Variants in NARS2 observed in about 807,000 individuals in gnomAD.
NARS2 encodes asparaginyl-tRNA synthetase.
NARS2 carries 60 observed loss-of-function variants against 62.9 expected under a neutral mutation model. The ratio of observed to expected loss-of-function variants is 0.95; its 90% confidence interval spans 0.77 to 1.18. The LOEUF (loss-of-function observed/expected upper bound fraction) is 1.18, where lower values mean the gene tolerates loss of function less well. NARS2 is among the 50% of genes most tolerant of loss of function. NARS2 has a pLI of 0.00. For missense variants in NARS2, 619 were observed against 576.4 expected, an observed-to-expected ratio of 1.07 and a Z score of -0.76; for synonymous variants, 196 against 200.0, an observed-to-expected ratio of 0.98 and a Z score of 0.17.
chr11:78,478,630 A>G lies in NARS2; in HGVS notation c.876T>C (p.Pro292=). 2 of 1,612,414 alleles carry G rather than the reference A, an allele frequency of 1.2e-6. No individual in the cohort carries two copies. The highest frequency in any genetic ancestry group is 1.1e-5 in the South Asian group (1 of 90,926). ...ATTMMVLSKC[P]EDVELCHKFI... Reference sequence around the variant, plus strand: ...ATTTGTGACAGAGTTCAACATCTTCAGGACATTTTGAGAGAACCATCATTG... The same window carrying G: ...ATTTGTGACAGAGTTCAACATCTTCGGGACATTTTGAGAGAACCATCATTG... The change falls in exon 8 of 14, where the codon CCT becomes CCC. Residue 292 remains proline (P), a synonymous_variant. Coordinates refer to ENST00000281038, the MANE Select transcript of NARS2 (RefSeq NM_024678.6).
chr11:78,562,398 C>T (rs1856587514), intron 4 of NARS2, among the ~76,000 whole-genome samples: 1 of 152,304 alleles, frequency 6.6e-6, no homozygotes, highest in African/African-American at 2.4e-5. Flanking sequence ...CCACTGCACT[C>T]CAGCCCGGAC....
intron 13 of NARS2, among the ~76,000 whole-genome samples, chr11:78,438,085 T>A (rs528873724): frequency 1.3e-5 from 2 of 152,186 alleles, no homozygotes; most frequent in South Asian, 2.1e-4. Flanking sequence ...CAACATAACT[T>A]GTAGCCACTT....
intron 4 of NARS2, among the ~76,000 whole-genome samples, chr11:78,564,642 AAT>A (rs1416979395): frequency 6.6e-6 from 1 of 152,208 alleles, no homozygotes; most frequent in African/African-American, 2.4e-5. Context: ...CTTCAGAACT[AAT>A]AATTTATCAG....
chr11:78,544,018 CAAAAAAAA>C (rs10688131), intron 5 of NARS2, among the ~76,000 whole-genome samples: 2 of 73,918 alleles, frequency 2.7e-5, no homozygotes, highest in African/African-American at 1.1e-4. Context: ...GACTCTGTCT[CAAAAAAAA>C]AAAAAAAAAA....
At chr11:78,571,537 C>G in intron 1 of NARS2, 93 bp from the exon 2 acceptor site, 1 of 787,294 alleles carries the variant, frequency 1.3e-6, no homozygotes, top group Non-Finnish European at 2.1e-6. Context: ...AAAACATGTA[C>G]TCACAATCCT....
rs974095079 is a variant in NARS2 at position 78,530,315 on chromosome 11, T to G, written c.595-1379A>C. Reference sequence around the variant, plus strand: ...ATTTCTTCATTATTTACTAAAGAATTGCTTTCCGAAATGAGGTCCAACAAA... The same window carrying G: ...ATTTCTTCATTATTTACTAAAGAATGGCTTTCCGAAATGAGGTCCAACAAA... On this transcript the variant is annotated intron_variant, in intron 5 of 13. Coordinates refer to ENST00000281038, the MANE Select transcript of NARS2 (RefSeq NM_024678.6). Among the ~76,000 whole-genome samples, 3 of 152,296 alleles carry G rather than the reference T, an allele frequency of 2.0e-5. No homozygotes were observed. In the South Asian group the frequency reaches 6.2e-4, roughly 32 times the overall value.
At chr11:78,526,943 T>A (rs887422354) in intron 6 of NARS2, among the ~76,000 whole-genome samples, 1 of 152,158 alleles carries the variant, frequency 6.6e-6, no homozygotes, top group Admixed American at 6.5e-5. Flanking sequence ...TATTACACAA[T>A]GAGGGGACAA....
At chr11:78,478,745 G>A (rs953960626) in intron 7 of NARS2, 62 bp from the exon 8 acceptor site, 1 of 1,020,850 alleles carries the variant, frequency 9.8e-7, no homozygotes, top group African/African-American at 1.6e-5. Flanking sequence ...AACCTGTTCA[G>A]GACTCAATAA....
intron 6 of NARS2, among the ~76,000 whole-genome samples, chr11:78,519,278 T>A (rs1417622924): frequency 6.6e-6 from 1 of 152,152 alleles, no homozygotes; most frequent in African/African-American, 2.4e-5. Flanking sequence ...AATTTAGAAC[T>A]GCATGTACCA....
intron 5 of NARS2, among the ~76,000 whole-genome samples, chr11:78,540,978 G>A (rs1375540984): frequency 3.9e-5 from 6 of 152,128 alleles, no homozygotes; most frequent in Admixed American, 3.9e-4. Flanking sequence ...GGTCAACATG[G>A]TGAAACCCCA....
At chr11:78,561,554 T>C (rs1452919707) in intron 4 of NARS2, among the ~76,000 whole-genome samples, 1 of 152,212 alleles carries the variant, frequency 6.6e-6, no homozygotes, top group Non-Finnish European at 1.5e-5. Flanking sequence ...CCAGATATTT[T>C]ATAAGGCTCT....
At chr11:78,475,149 C>T (rs1292198008) in intron 9 of NARS2, among the ~76,000 whole-genome samples, 1 of 152,182 alleles carries the variant, frequency 6.6e-6, no homozygotes, top group East Asian at 1.9e-4. Context: ...TATTACATTT[C>T]ACATCAAAGT....
chr11:78,549,420 T>C (rs576237545), intron 5 of NARS2, among the ~76,000 whole-genome samples: 2 of 152,328 alleles, frequency 1.3e-5, no homozygotes, highest in African/African-American at 4.8e-5. Context: ...AGGAACTGAC[T>C]TCATTGCAAC....
chr11:78,482,508 A>C (rs1859399002), intron 7 of NARS2, among the ~76,000 whole-genome samples: 1 of 152,120 alleles, frequency 6.6e-6, no homozygotes. Context: ...AGACTAATAA[A>C]GAAGAAAAGA....
chr11:78,571,682 T>C, intron 1 of NARS2: 1 of 396,646 alleles, frequency 2.5e-6, no homozygotes, highest in Non-Finnish European at 4.6e-6. Flanking sequence ...AATGGATGCC[T>C]AACATTCCTT....
At chr11:78,555,485 G>A (rs1196858879) in intron 5 of NARS2, 2 of 151,970 alleles carry the variant, frequency 1.3e-5, no homozygotes, top group African/African-American at 4.8e-5. Flanking sequence ...CAATTTAGAG[G>A]TGTTCGTAGT....
intron 9 of NARS2, among the ~76,000 whole-genome samples, chr11:78,477,108 T>G (rs1295918025): frequency 1.3e-5 from 2 of 152,222 alleles, no homozygotes; most frequent in Non-Finnish European, 2.9e-5. Flanking sequence ...TTGAATCTTT[T>G]CATTAGATAG....
At chr11:78,552,819 T>C (rs1195375097) in intron 5 of NARS2, among the ~76,000 whole-genome samples, 33 of 152,328 alleles carry the variant, frequency 2.2e-4, no homozygotes, top group East Asian at 5.8e-4. Flanking sequence ...CTTGGGCACA[T>C]GTCATCAGGG....
intron 6 of NARS2, among the ~76,000 whole-genome samples, chr11:78,494,970 C>T (rs1369220146): frequency 6.6e-6 from 1 of 152,096 alleles, no homozygotes; most frequent in Non-Finnish European, 1.5e-5. Context: ...GTTGTTTACA[C>T]CTTGGAAAAC....
Sources: gnomAD v4.1 joint callset for allele counts (sites outside exome capture counted in the v4.1 genomes callset) on GRCh38, gnomAD v4.1.1 for gene constraint, MANE v1.5 for transcripts, NCBI Gene and HGNC (gene_info 2026-07-23, HGNC 2026-07-21) for gene names.